ITGA4: variants seen among roughly 807,000 people sequenced by gnomAD.
ITGA4 encodes integrin subunit alpha 4.
Under a neutral mutation model 133.6 loss-of-function variants are expected in ITGA4, and 63 were observed. That is an observed-to-expected ratio of 0.47 (90% CI 0.38 to 0.58). ITGA4 has a LOEUF of 0.58. Among genes scored for constraint, ITGA4 ranks in the 20% least tolerant of loss-of-function variants. ITGA4 has a pLI of 0.00. For missense variants in ITGA4, 1,076 were observed against 1,252.7 expected, an observed-to-expected ratio of 0.86 and a Z score of 2.13; for synonymous variants, 483 against 438.0, an observed-to-expected ratio of 1.10 and a Z score of -1.28.
At chr2:181,494,878 T>A in intron 12 of ITGA4, 66 bp downstream of exon 12, 1 of 853,332 alleles carries the variant, frequency 1.2e-6, no homozygotes, top group Admixed American at 1.9e-5. Context: ...TGCTTTATAG[T>A]GAAGTACGTA....
rs1559062473 is a variant in ITGA4 at position 181,536,949 on chromosome 2, C to T, written c.*1422C>T. The T allele has an allele frequency of 4.4e-6, 2 of 453,136 alleles. No homozygotes were observed. The highest frequency in any genetic ancestry group is 4.0e-5 in the African/African-American group (2 of 49,924). 28.1% of individuals were successfully genotyped at this position (453,136 alleles called of 1,614,324 possible). A position where few individuals can be genotyped will look rare whatever the true frequency, so the allele number is the denominator to read the frequency against. The stretch of plus-strand genomic sequence containing the variant: ...GGAAAGATTTCTTTATATGAAGTCC[C>T]TGCCACTAGCCAGCCATCCTAATTG... On this transcript the variant is annotated 3_prime_UTR_variant, in exon 28 of 28. Transcript: ENST00000397033.
chr2:181,466,027 A>G (rs1047945342), intron 2 of ITGA4, among the ~76,000 whole-genome samples: 9 of 152,122 alleles, frequency 5.9e-5, no homozygotes, highest in African/African-American at 2.2e-4. Context: ...CCCTCTTTAA[A>G]TTATGCTTAC....
Position 181,478,790 on chromosome 2 carries a change from C to T in ITGA4, c.590C>T (p.Ser197Leu). ...AAAAAATTTGGAGAAAATTTTGCATCATGTCAAGCTGGAATATCCAGTTTT... is the reference window on the plus strand; with the variant it reads ...AAAAAATTTGGAGAAAATTTTGCATTATGTCAAGCTGGAATATCCAGTTTT... ...YVKKFGENFA[S>L]CQAGISSFYT... Residue 197 changes from serine (S) to leucine (L), a missense_variant, in exon 5 of 28, where the codon TCA becomes TTA. By Grantham distance (145) the Ser-to-Leu change is moderately radical. Transcript: ENST00000397033. 6.7e-7 allele frequency: 1 copy of T among 1,492,228 alleles called. No individual in the cohort carries two copies. The highest frequency in any genetic ancestry group is 9.0e-7 in the Non-Finnish European group (1 of 1,106,274). 92.4% of individuals were successfully genotyped at this position (1,492,228 alleles called of 1,614,324 possible).
In ITGA4 at chr2:181,457,610, T is replaced by C. The variant is rs972156666; in HGVS notation, c.-45T>C. On this transcript the variant is annotated 5_prime_UTR_variant, in exon 1 of 28. Coordinates refer to ENST00000397033, the MANE Select transcript of ITGA4 (RefSeq NM_000885.6). ...CCAACCGTCGCATCCCGTGCAACTT[T>C]GGGGTAGTGGCCGTTTAGTGTTGAA... 8 of 1,564,620 alleles carry C rather than the reference T, an allele frequency of 5.1e-6. No individual in the cohort carries two copies. In the South Asian group the frequency reaches 9.3e-5, roughly 18 times the overall value.
rs199727576 is a variant in ITGA4 at position 181,457,595 on chromosome 2, C to A, written c.-60C>A. 80 of 1,498,266 alleles carry A rather than the reference C, an allele frequency of 5.3e-5. No individual in the cohort carries two copies. Among genetic ancestry groups the A allele is most frequent in the Non-Finnish European group, 6.7e-5 (74 of 1,100,182 alleles). 92.8% of individuals were successfully genotyped at this position (1,498,266 alleles called of 1,614,324 possible). A position where few individuals can be genotyped will look rare whatever the true frequency, so the allele number is the denominator to read the frequency against. ...GTTCTTCCCCGTTGGCCAACCGTCG[C>A]ATCCCGTGCAACTTTGGGGTAGTGG... is the stretch of plus-strand genomic sequence containing the variant. On this transcript the variant is annotated 5_prime_UTR_variant, in exon 1 of 28. Coordinates refer to ENST00000397033, the MANE Select transcript of ITGA4 (RefSeq NM_000885.6).
At chr2:181,501,366 G>A (rs1345305669) in intron 15 of ITGA4, among the ~76,000 whole-genome samples, 3 of 152,162 alleles carry the variant, frequency 2.0e-5, no homozygotes, top group Admixed American at 1.3e-4. Context: ...TAAGCAAAGG[G>A]AAGAATGGTG....
rs143931358 is a variant in ITGA4 at position 181,537,853 on chromosome 2, C to T, written c.*2326C>T. On this transcript the variant is annotated 3_prime_UTR_variant, in exon 28 of 28. Transcript: ENST00000397033. Reference sequence around the variant, plus strand: ...TAACATCAATTTCTATTAGGATATCCGTTTGGCCACACAGCAGGAGGTTAG... The same window carrying T: ...TAACATCAATTTCTATTAGGATATCTGTTTGGCCACACAGCAGGAGGTTAG... 2.7e-4 allele frequency: 135 copies of T among 506,674 alleles called. 1 individual carries two copies. Among genetic ancestry groups the T allele is most frequent in the East Asian group, 1.6e-3 (30 of 18,802 alleles). 31.4% of individuals were successfully genotyped at this position (506,674 alleles called of 1,614,324 possible). A position where few individuals can be genotyped will look rare whatever the true frequency, so the allele number is the denominator to read the frequency against.
rs183256491 is a variant in ITGA4 at position 181,460,801 on chromosome 2, A to G, written c.319+2484A>G. 5.8e-3 allele frequency among the ~76,000 whole-genome samples: 881 copies of G among 152,272 alleles called. 7 individuals carry two copies. Among genetic ancestry groups the G allele is most frequent in the African/African-American group, 0.02 (822 of 41,538 alleles). On this transcript the variant is annotated intron_variant, in intron 2 of 27. Coordinates refer to ENST00000397033, the MANE Select transcript of ITGA4 (RefSeq NM_000885.6). ...TTAATAGGGACAATTGATAAACTGA[A>G]CCAAAAGTTTAAAAATTAAAAGGTA...
At position 181,457,495 on chromosome 2, in the gene ITGA4, G is replaced by A. The variant is rs1004316628; in HGVS notation, c.-160G>A. The A allele has an allele frequency of 1.5e-6, 1 of 665,798 alleles. No homozygotes were observed. The highest frequency in any genetic ancestry group is 2.4e-6 in the Non-Finnish European group (1 of 414,556). 41.2% of individuals were successfully genotyped at this position (665,798 alleles called of 1,614,324 possible). On this transcript the variant is annotated 5_prime_UTR_variant, in exon 1 of 28. Transcript: ENST00000397033. ...CCGAACGCTCCGCCCGCGGTGGGCC[G>A]ACTTCCCCTCCTCTTCCCTCTCTCC...
Position 181,535,727 on chromosome 2 carries a change from C to T in ITGA4, c.*200C>T, listed in dbSNP as rs1687056794. The T allele has an allele frequency of 4.0e-6, 2 of 504,388 alleles. No homozygotes were observed. Among genetic ancestry groups the T allele is most frequent in the Admixed American group, 3.8e-5 (1 of 26,280 alleles). 31.2% of individuals were successfully genotyped at this position (504,388 alleles called of 1,614,324 possible). On this transcript the variant is annotated 3_prime_UTR_variant, in exon 28 of 28. Transcript: ENST00000397033. The stretch of plus-strand genomic sequence containing the variant: ...TAGAAGAACTGCAAAGGTAATAATA[C>T]AGCCAAAGATAATCTCTCAGCTTTT...
At chr2:181,504,155 G>T (rs1008598259) in intron 15 of ITGA4, among the ~76,000 whole-genome samples, 1 of 152,076 alleles carries the variant, frequency 6.6e-6, no homozygotes, top group Non-Finnish European at 1.5e-5. Flanking sequence ...TACTGGCTTA[G>T]TTGCTGAACA....
intron 2 of ITGA4, among the ~76,000 whole-genome samples, chr2:181,465,277 C>A (rs190528964): frequency 6.6e-6 from 1 of 152,224 alleles, no homozygotes; most frequent in East Asian, 1.9e-4. Context: ...GAGAAACGTC[C>A]TTTGATATCT....
In ITGA4 at chr2:181,536,591, C is replaced by CATAAATTTAAATT; in HGVS notation, c.*1065_*1077dup. The CATAAATTTAAATT allele has an allele frequency of 6.7e-6, 1 of 149,732 alleles. No homozygotes were observed. The highest frequency in any genetic ancestry group is 1.9e-4 in the East Asian group (1 of 5,166). 9.3% of individuals were successfully genotyped at this position (149,732 alleles called of 1,614,324 possible). ...TACATGGAAACGAAGAAACAAAATTCATAAATTTAAATTCATAAATTTAGC... is the reference window on the plus strand; with the variant it reads ...TACATGGAAACGAAGAAACAAAATTCATAAATTTAAATTATAAATTTAAATTCATAAATTTAGC... On this transcript the variant is annotated 3_prime_UTR_variant, in exon 28 of 28. Coordinates refer to ENST00000397033, the MANE Select transcript of ITGA4 (RefSeq NM_000885.6).
chr2:181,485,323 T>C (rs1434833035), intron 9 of ITGA4, among the ~76,000 whole-genome samples: 2 of 152,250 alleles, frequency 1.3e-5, no homozygotes, highest in Non-Finnish European at 2.9e-5. Flanking sequence ...TAGTTTTCTC[T>C]GTATATCAAA....
chr2:181,473,096 C>T (rs1224960023), intron 2 of ITGA4, among the ~76,000 whole-genome samples: 1 of 152,222 alleles, frequency 6.6e-6, no homozygotes, highest in Non-Finnish European at 1.5e-5. Flanking sequence ...CTCTGCATTT[C>T]ACAGTAACAG....
chr2:181,509,599 A>T, intron 15 of ITGA4, 59 bp from the exon 16 acceptor site: 2 of 1,365,132 alleles, frequency 1.5e-6, no homozygotes, highest in African/African-American at 1.5e-5. Flanking sequence ...AAGGAGTTTT[A>T]TTTTTTTTTA....
chr2:181,493,492 G>T, intron 11 of ITGA4, 73 bp downstream of exon 11: 4 of 840,350 alleles, frequency 4.8e-6, no homozygotes, highest in South Asian at 1.8e-5. Flanking sequence ...GGGTTTATGT[G>T]GACTTATTTT....
At chr2:181,484,296 A>G (rs564185749) in intron 9 of ITGA4, among the ~76,000 whole-genome samples, 6 of 152,302 alleles carry the variant, frequency 3.9e-5, no homozygotes, top group Non-Finnish European at 7.4e-5. Context: ...GCTTCTGCCT[A>G]CTTGTACTAA....
intron 25 of ITGA4, 96 bp from the exon 26 acceptor site, chr2:181,534,176 A>C: frequency 1.4e-6 from 1 of 703,058 alleles, no homozygotes; most frequent in Non-Finnish European, 2.4e-6. Flanking sequence ...TGGGGAAGGT[A>C]AATTGTGAAA....
Sources: allele counts gnomAD v4.1 joint callset (sites outside exome capture counted in the v4.1 genomes callset), GRCh38; gene constraint gnomAD v4.1.1; transcripts MANE v1.5; gene names NCBI Gene and HGNC (gene_info 2026-07-23, HGNC 2026-07-21).